Variants in MDGA2 observed in about 807,000 individuals in gnomAD.
MDGA2 encodes MAM domain-containing glycosylphosphatidylinositol anchor protein 2.
Under a neutral mutation model 117.8 loss-of-function variants are expected in MDGA2, and 40 were observed. That is an observed-to-expected ratio of 0.34 (90% confidence interval 0.26 to 0.44). The LOEUF (loss-of-function observed/expected upper bound fraction) is 0.44, where lower values mean the gene tolerates loss of function less well. Among genes scored for constraint, MDGA2 ranks in the 20% least tolerant of loss-of-function variants. The probability of loss-of-function intolerance (pLI) is 1.00; values close to 1 mark genes in which losing one functional copy is unlikely to be tolerated. For missense variants in MDGA2, 1,123 were observed against 1,250.6 expected (o/e 0.90, Z 1.54); for synonymous variants, 452 against 439.0 (o/e 1.03, Z -0.37).
At chr14:46,895,139 A>G (rs1196502524) in intron 10 of MDGA2, among the ~76,000 whole-genome samples, 2 of 152,070 alleles carry the variant, frequency 1.3e-5, no homozygotes, top group Non-Finnish European at 2.9e-5. Context: ...TCTCCACCCA[A>G]ATCTCATCTT....
At chr14:47,410,479 C>G (rs961703766) in intron 1 of MDGA2, among the ~76,000 whole-genome samples, 1 of 152,082 alleles carries the variant, frequency 6.6e-6, no homozygotes, top group Non-Finnish European at 1.5e-5. Flanking sequence ...TACTTCCTCA[C>G]TCTTCTTAAA....
At chr14:46,863,955 A>T (rs1881614700) in intron 14 of MDGA2, among the ~76,000 whole-genome samples, 1 of 152,262 alleles carries the variant, frequency 6.6e-6, no homozygotes, top group East Asian at 1.9e-4. Context: ...TTTTAAATTC[A>T]TCTCATTTAA....
At chr14:47,430,332 T>TTTTC (rs1892774478) in intron 1 of MDGA2, among the ~76,000 whole-genome samples, 1 of 152,034 alleles carries the variant, frequency 6.6e-6, no homozygotes, top group Non-Finnish European at 1.5e-5. Context: ...TGTTTGTTTG[T>TTTTC]TTTCCTAAGC....
At chr14:47,371,099 C>A (rs1891348640) in intron 1 of MDGA2, among the ~76,000 whole-genome samples, 1 of 151,738 alleles carries the variant, frequency 6.6e-6, no homozygotes. Context: ...AATTGAAATA[C>A]ACTTGAAAAA....
intron 1 of MDGA2, among the ~76,000 whole-genome samples, chr14:47,592,118 T>C (rs1377240513): frequency 1.3e-5 from 2 of 151,938 alleles, no homozygotes; most frequent in Non-Finnish European, 1.5e-5. Flanking sequence ...GAGAGCCAAA[T>C]CATGAATGAA....
intron 1 of MDGA2, among the ~76,000 whole-genome samples, chr14:47,513,140 T>A (rs916803958): frequency 6.6e-6 from 1 of 152,164 alleles, no homozygotes; most frequent in Non-Finnish European, 1.5e-5. Context: ...ATGTTTCTTA[T>A]ACAGCAGTGT....
rs58060138 is a variant in MDGA2, at chr14:47,537,574, TAAAA to T, written c.280+136939_280+136942del. ...TTATCCACTGTTACCTTCTCTCTGT[TAAAA>T]AAAAAAAAAAAAAAAAAAAAAAAAA... On this transcript the variant is annotated intron_variant, in intron 1 of 16. Coordinates refer to ENST00000399232, the MANE Select transcript of MDGA2 (RefSeq NM_001113498.3). 6.5e-3 allele frequency among the ~76,000 whole-genome samples: 236 copies of T among 36,534 alleles called. 1 individual carries two copies. Among genetic ancestry groups the T allele is most frequent in the Non-Finnish European group, 0.011 (197 of 17,774 alleles). 24.0% of individuals were successfully genotyped at this position (36,534 alleles called of 152,430 possible). A position where few individuals can be genotyped will look rare whatever the true frequency, so the allele number is the denominator to read the frequency against.
chr14:47,019,277 T>C lies in MDGA2; in HGVS notation c.1819+15734A>G, dbSNP rs185023777. On this transcript the variant is annotated intron_variant, in intron 8 of 16. Coordinates refer to ENST00000399232, the MANE Select transcript of MDGA2 (RefSeq NM_001113498.3). ...TAATGTAGGAAGAATCATCATAATTTTGACAAAATTAAAGGAATACGTAAG... is the reference window on the plus strand; with the variant it reads ...TAATGTAGGAAGAATCATCATAATTCTGACAAAATTAAAGGAATACGTAAG... 5.0e-4 allele frequency among the ~76,000 whole-genome samples: 76 copies of C among 152,262 alleles called. 1 individual carries two copies. The highest frequency in any genetic ancestry group is 1.8e-3 in the African/African-American group (76 of 41,554).
chr14:46,944,479 C>A (rs889682776), intron 9 of MDGA2, among the ~76,000 whole-genome samples: 1 of 151,776 alleles, frequency 6.6e-6, no homozygotes, highest in Admixed American at 6.6e-5. Flanking sequence ...CCATGATATG[C>A]TTGGATCTGT....
chr14:47,375,746 G>C (rs758066444), intron 1 of MDGA2, among the ~76,000 whole-genome samples: 5 of 151,894 alleles, frequency 3.3e-5, no homozygotes, highest in Non-Finnish European at 5.9e-5. Context: ...TAGAACAATG[G>C]ATTTAGAGTT....
chr14:46,894,134 C>T (rs12884275), intron 10 of MDGA2, among the ~76,000 whole-genome samples: 57,246 of 151,836 alleles, frequency 0.38, 11,684 homozygotes, highest in African/African-American at 0.53. Context: ...ATATTTTACA[C>T]ATTATTTTAA....
At chr14:46,950,513 G>A (rs77053081) in intron 9 of MDGA2, among the ~76,000 whole-genome samples, 17,820 of 151,864 alleles carry the variant, frequency 0.12, 1,983 homozygotes, top group African/African-American at 0.27. Context: ...TTTCAGTACA[G>A]CTGCAACTCA....
At chr14:46,880,800 C>T (rs909420127) in intron 11 of MDGA2, among the ~76,000 whole-genome samples, 1 of 29,976 alleles carries the variant, frequency 3.3e-5, no homozygotes, top group Non-Finnish European at 7.1e-5. Context: ...AAAATCCCGT[C>T]TCCAAAAAAA....
intron 8 of MDGA2, among the ~76,000 whole-genome samples, chr14:47,026,526 A>C (rs1336018938): frequency 1.3e-5 from 2 of 151,176 alleles, no homozygotes; most frequent in African/African-American, 4.9e-5. Flanking sequence ...TATATTTAAA[A>C]TAAATTGATA....
chr14:47,098,034 TA>T (rs1880078249), intron 5 of MDGA2, among the ~76,000 whole-genome samples: 1 of 151,728 alleles, frequency 6.6e-6, no homozygotes, highest in Non-Finnish European at 1.5e-5. Context: ...CATCCCTAAA[TA>T]AAAACAGGAG....
chr14:47,537,989 A>C (rs1895258554), intron 1 of MDGA2, among the ~76,000 whole-genome samples: 1 of 152,208 alleles, frequency 6.6e-6, no homozygotes, highest in Non-Finnish European at 1.5e-5. Flanking sequence ...ATAAGGAAAA[A>C]TACTGCTAAA....
rs756656215 is a variant in MDGA2, at chr14:46,920,176, G to A, written c.2090-16C>T. 23 of 1,603,288 alleles carry A rather than the reference G, an allele frequency of 1.4e-5. No homozygotes were observed. Among genetic ancestry groups the A allele is most frequent in the Admixed American group, 3.4e-5 (2 of 58,116 alleles). On this transcript the variant is annotated splice_polypyrimidine_tract_variant and intron_variant, in intron 9 of 16. Coordinates refer to ENST00000399232, the MANE Select transcript of MDGA2 (RefSeq NM_001113498.3). ...TAGGCCTTTCCTGAAAACAGAAAGT[G>A]TGCTTAAATTTGAATGATGACATAT...
intron 3 of MDGA2, chr14:47,201,040 A>G (rs1036253923): frequency 3.5e-5 from 39 of 1,125,606 alleles, no homozygotes; most frequent in African/African-American, 1.7e-4. Flanking sequence ...TTTAGCCACA[A>G]TGGCCGCCAG....
chr14:47,315,406 T>A (rs17740563), intron 1 of MDGA2, among the ~76,000 whole-genome samples: 13,575 of 152,196 alleles, frequency 0.089, 732 homozygotes, highest in Non-Finnish European at 0.11. Flanking sequence ...TTATAACTTC[T>A]AAAAAGTTTG....
Sources: allele counts gnomAD v4.1 joint callset (sites outside exome capture counted in the v4.1 genomes callset), GRCh38; gene constraint gnomAD v4.1.1; transcripts MANE v1.5; gene names NCBI Gene and HGNC (gene_info 2026-07-23, HGNC 2026-07-21).